FGF12: variants seen among roughly 807,000 people sequenced by gnomAD.
The protein encoded by FGF12 is fibroblast growth factor 12, also known as fibroblast growth factor 12B.
In FGF12, 14 loss-of-function variants were observed where a neutral mutation model predicts 23.6. The ratio of observed to expected loss-of-function variants is 0.59; its 90% CI spans 0.39 to 0.93. The LOEUF is 0.93. Among genes scored for constraint, FGF12 ranks in the 40% least tolerant of loss-of-function variants. The pLI is 0.00. For synonymous variants in FGF12, 62 were observed against 77.3 expected (o/e 0.80, Z 1.04); for missense variants, 175 against 217.8 (o/e 0.80, Z 1.24).
chr3:192,217,464 C>T (rs994377368), intron 4 of FGF12, among the ~76,000 whole-genome samples: 1 of 152,104 alleles, frequency 6.6e-6, no homozygotes, highest in African/African-American at 2.4e-5. Flanking sequence ...GAGTTTGACT[C>T]TATTACTGTG....
At chr3:192,430,578 C>A (rs1187023408) in intron 2 of FGF12, among the ~76,000 whole-genome samples, 1 of 152,192 alleles carries the variant, frequency 6.6e-6, no homozygotes, top group Non-Finnish European at 1.5e-5. Context: ...CAACCTCACC[C>A]CTGCCATTTA....
intron 2 of FGF12, among the ~76,000 whole-genome samples, chr3:192,424,830 CTT>C (rs1237045154): frequency 6.6e-6 from 1 of 152,090 alleles, no homozygotes; most frequent in Non-Finnish European, 1.5e-5. Context: ...TATAATAAAA[CTT>C]TGCAATAGGC....
chr3:192,566,467 A>T (rs1712294587), intron 2 of FGF12, among the ~76,000 whole-genome samples: 2 of 152,214 alleles, frequency 1.3e-5, no homozygotes, highest in Non-Finnish European at 2.9e-5. Flanking sequence ...TGAAAGAGAT[A>T]TTGGAGAAAA....
Position 192,726,762 on chromosome 3 carries a change from A to ATT in FGF12, c.13+417_13+418dup. 6 of 192,516 alleles carry ATT rather than the reference A, an allele frequency of 3.1e-5. No individual in the cohort carries two copies. In the East Asian group the frequency reaches 3.6e-4, roughly 12 times the overall value. The allele number at this position is 192,516 out of a possible 1,614,324, so 11.9% of individuals were successfully genotyped here. A position where few individuals can be genotyped will look rare whatever the true frequency, so the allele number is the denominator to read the frequency against. On this transcript the variant is annotated intron_variant, in intron 2 of 5. Transcript: ENST00000445105. The stretch of plus-strand genomic sequence containing the variant: ...GAGGTGGGGGTGGTGAAATTCAAAC[A>ATT]TTTTTTTTTTAGCAATGCATTATTG...
intron 4 of FGF12, among the ~76,000 whole-genome samples, chr3:192,217,294 G>C (rs935467115): frequency 1.3e-5 from 2 of 152,184 alleles, no homozygotes; most frequent in Non-Finnish European, 2.9e-5. Context: ...AGCGTCTGCT[G>C]TTGTTTTTGT....
chr3:192,505,894 G>A (rs1213143112), intron 2 of FGF12, among the ~76,000 whole-genome samples: 2 of 152,240 alleles, frequency 1.3e-5, no homozygotes, highest in Non-Finnish European at 2.9e-5. Flanking sequence ...CGAAGGAGGA[G>A]GGTTGGGGTG....
chr3:192,443,939 C>T (rs2108798052), intron 2 of FGF12, among the ~76,000 whole-genome samples: 1 of 152,254 alleles, frequency 6.6e-6, no homozygotes, highest in East Asian at 1.9e-4. Context: ...CTGCAAGGTG[C>T]AATGCTGGCC....
At chr3:192,418,468 CA>C (rs749219536) in intron 2 of FGF12, among the ~76,000 whole-genome samples, 75 of 152,134 alleles carry the variant, frequency 4.9e-4, no homozygotes, top group Non-Finnish European at 8.2e-4. Flanking sequence ...AGAAAAATAT[CA>C]AAAAACTCTG....
chr3:192,313,316 G>A (rs1225630082), intron 4 of FGF12, among the ~76,000 whole-genome samples: 1 of 152,178 alleles, frequency 6.6e-6, no homozygotes, highest in Non-Finnish European at 1.5e-5. Flanking sequence ...TAGACAACCT[G>A]CTGATCCCTG....
intron 4 of FGF12, 128 bp downstream of exon 4, chr3:192,335,233 A>G (rs1476095026): frequency 1.5e-6 from 1 of 649,924 alleles, no homozygotes; most frequent in African/African-American, 1.8e-5. Context: ...AATAATCCCG[A>G]AAAACAGGAT....
rs61327292 is a variant in FGF12 at position 192,561,430 on chromosome 3, T to G, written c.13+165751A>C. ...CAGGCTGGAGTGCAGTGGTGCAATC[T>G]CAGCCCACTGTAACCTCCACCTCCT... On this transcript the variant is annotated intron_variant, in intron 2 of 5. Transcript: ENST00000445105. Among the ~76,000 whole-genome samples the G allele has an allele frequency of 5.7e-3, 870 of 152,136 alleles. 11 individuals carry two copies. Among genetic ancestry groups the G allele is most frequent in the African/African-American group, 0.02 (833 of 41,506 alleles).
At position 192,243,558 on chromosome 3, in the gene FGF12, A is replaced by C. The variant is rs6781190; in HGVS notation, c.229-72902T>G. Among the ~76,000 whole-genome samples, 952 of 151,866 alleles carry C rather than the reference A, an allele frequency of 6.3e-3. 10 individuals carry two copies. The highest frequency in any genetic ancestry group is 0.022 in the African/African-American group (928 of 41,472). ...GGAAAAAAAAAAAAAACTCAAGTAA[A>C]TTCCCTTTACAGTATATCCAACTTA... is the stretch of plus-strand genomic sequence containing the variant. On this transcript the variant is annotated intron_variant, in intron 4 of 5. Transcript: ENST00000445105.
intron 4 of FGF12, among the ~76,000 whole-genome samples, chr3:192,302,142 C>G (rs907540283): frequency 6.6e-6 from 1 of 152,134 alleles, no homozygotes; most frequent in African/African-American, 2.4e-5. Flanking sequence ...AACAGAACGC[C>G]TGCTAGGTGT....
At chr3:192,219,225 C>T (rs1449246683) in intron 4 of FGF12, among the ~76,000 whole-genome samples, 3 of 152,244 alleles carry the variant, frequency 2.0e-5, no homozygotes, top group East Asian at 1.9e-4. Context: ...GCTAGGACTA[C>T]AGGCACTTGC....
At chr3:192,681,682 A>T (rs1201768532) in intron 2 of FGF12, among the ~76,000 whole-genome samples, 3 of 152,194 alleles carry the variant, frequency 2.0e-5, no homozygotes, top group South Asian at 2.1e-4. Context: ...CCTTTCCCAA[A>T]TATCACCCAG....
At chr3:192,706,877 C>T (rs1481645396) in intron 2 of FGF12, among the ~76,000 whole-genome samples, 1 of 152,204 alleles carries the variant, frequency 6.6e-6, no homozygotes, top group African/African-American at 2.4e-5. Context: ...TCTAAGGCGA[C>T]TTCACCAATA....
chr3:192,219,396 T>C (rs1718360078), intron 4 of FGF12, among the ~76,000 whole-genome samples: 1 of 151,216 alleles, frequency 6.6e-6, no homozygotes, highest in African/African-American at 2.4e-5. Context: ...TTTTAATTTT[T>C]AAATATCAGA....
chr3:192,239,746 C>T (rs909361606), intron 4 of FGF12, among the ~76,000 whole-genome samples: 1 of 152,248 alleles, frequency 6.6e-6, no homozygotes, highest in African/African-American at 2.4e-5. Context: ...ACAGTTTCAT[C>T]TGGAAACCAT....
chr3:192,327,337 T>C (rs9837612), intron 4 of FGF12, among the ~76,000 whole-genome samples: 33,423 of 151,910 alleles, frequency 0.22, 4,345 homozygotes, highest in East Asian at 0.34. Flanking sequence ...TTTATTAGAA[T>C]ATAGACTGAC....
Sources: allele counts gnomAD v4.1 joint callset (sites outside exome capture counted in the v4.1 genomes callset), GRCh38; gene constraint gnomAD v4.1.1; transcripts MANE v1.5; gene names NCBI Gene and HGNC (gene_info 2026-07-23, HGNC 2026-07-21).